Variants in FHIT observed in about 807,000 individuals in gnomAD.
FHIT encodes the protein bis(5'-adenosyl)-triphosphatase.
FHIT carries 19 observed loss-of-function variants against 17.9 expected under a neutral mutation model. That is an observed-to-expected ratio of 1.06 (90% CI 0.74 to 1.56). The LOEUF is 1.56. FHIT is among the 40% of genes most tolerant of loss of function. The pLI, the probability that FHIT is intolerant of heterozygous loss-of-function variation, is 0.00. For missense variants in FHIT, 248 were observed against 189.2 expected (o/e 1.31, Z -1.82); for synonymous variants, 81 against 69.7 (o/e 1.16, Z -0.81).
At chr3:59,798,951 GCTAACCTCCAGCCACGTTGGTGAA>G (rs1435244869) in intron 8 of FHIT, among the ~76,000 whole-genome samples, 5 of 152,188 alleles carry the variant, frequency 3.3e-5, no homozygotes, top group African/African-American at 1.2e-4. Context: ...GGTAGCCTCT[GCTAACCTCCAGCCACGTTGGTGAA>G]CTCTCAGAAA....
At chr3:60,819,994 T>C (rs75513892) in intron 4 of FHIT, among the ~76,000 whole-genome samples, 1,676 of 152,282 alleles carry the variant, frequency 0.011, 20 homozygotes, top group African/African-American at 0.038. Context: ...ATATTTTATA[T>C]TGACAGCTTT....
At chr3:60,039,896 TTA>T (rs1203024667) in intron 5 of FHIT, among the ~76,000 whole-genome samples, 2 of 152,202 alleles carry the variant, frequency 1.3e-5, no homozygotes, top group African/African-American at 4.8e-5. Flanking sequence ...ATGGAAGAAA[TTA>T]TGAGTTCACA....
intron 5 of FHIT, among the ~76,000 whole-genome samples, chr3:60,169,105 C>T (rs368743940): frequency 6.6e-6 from 1 of 152,188 alleles, no homozygotes; most frequent in Non-Finnish European, 1.5e-5. Flanking sequence ...TTTGGGTCAG[C>T]ACATGCTATC....
At chr3:59,757,681 G>A (rs144089429) in intron 8 of FHIT, among the ~76,000 whole-genome samples, 297 of 152,170 alleles carry the variant, frequency 2.0e-3, no homozygotes, top group African/African-American at 5.5e-3. Flanking sequence ...AGAAGCAAAC[G>A]GCTGAATATA....
chr3:59,924,848 T>C (rs1705574628), intron 7 of FHIT, among the ~76,000 whole-genome samples: 1 of 152,216 alleles, frequency 6.6e-6, no homozygotes, highest in South Asian at 2.1e-4. Context: ...TCTGCATTTC[T>C]AACAAGCTCC....
At chr3:60,909,079 G>C (rs1322988040) in intron 3 of FHIT, among the ~76,000 whole-genome samples, 1 of 152,104 alleles carries the variant, frequency 6.6e-6, no homozygotes, top group African/African-American at 2.4e-5. Flanking sequence ...CTATAAAAGA[G>C]GGTAATCTTG....
intron 5 of FHIT, among the ~76,000 whole-genome samples, chr3:60,390,313 C>G (rs1701168826): frequency 1.4e-5 from 2 of 146,952 alleles, no homozygotes. Flanking sequence ...CTAGAGAACT[C>G]TAACAATAGT....
chr3:60,774,983 T>C (rs1414718948), intron 4 of FHIT, among the ~76,000 whole-genome samples: 1 of 152,216 alleles, frequency 6.6e-6, no homozygotes, highest in Non-Finnish European at 1.5e-5. Flanking sequence ...AAACAGCAGA[T>C]AATGGGGAAC....
intron 4 of FHIT, among the ~76,000 whole-genome samples, chr3:60,731,448 T>C (rs2042027536): frequency 6.6e-6 from 1 of 152,142 alleles, no homozygotes; most frequent in South Asian, 2.1e-4. Flanking sequence ...GGTTTGACCT[T>C]TTGACTTGGG....
intron 5 of FHIT, among the ~76,000 whole-genome samples, chr3:60,169,489 T>C (rs951657693): frequency 6.6e-6 from 1 of 152,230 alleles, no homozygotes; most frequent in Non-Finnish European, 1.5e-5. Flanking sequence ...CTTTTGGTGA[T>C]AATTGTTGTT....
At position 59,844,864 on chromosome 3, in the gene FHIT, G is replaced by C. The variant is rs577488749; in HGVS notation, c.348+77482C>G. 3.9e-5 allele frequency among the ~76,000 whole-genome samples: 6 copies of C among 152,148 alleles called. No homozygotes were observed. The East Asian group carries it at 1.2e-3, about 29-fold the overall frequency. On this transcript the variant is annotated intron_variant, in intron 8 of 9. Coordinates refer to ENST00000492590, the MANE Select transcript of FHIT (RefSeq NM_002012.4). ...TTTATTTAATTTTTTTGAAAAGTTTGAAAAAGATCGGTTTAGTTGTTTAAA... is the reference window on the plus strand; with the variant it reads ...TTTATTTAATTTTTTTGAAAAGTTTCAAAAAGATCGGTTTAGTTGTTTAAA...
At chr3:60,360,437 G>C (rs1158265979) in intron 5 of FHIT, among the ~76,000 whole-genome samples, 1 of 152,118 alleles carries the variant, frequency 6.6e-6, no homozygotes, top group Admixed American at 6.6e-5. Context: ...ATAGTGAAGT[G>C]ATCCATTCAG....
chr3:59,834,449 T>C (rs1257164622), intron 8 of FHIT, among the ~76,000 whole-genome samples: 1 of 152,180 alleles, frequency 6.6e-6, no homozygotes, highest in Non-Finnish European at 1.5e-5. Context: ...ACAGACACTT[T>C]GGGCGACTAT....
At chr3:60,311,096 C>T (rs1225227555) in intron 5 of FHIT, among the ~76,000 whole-genome samples, 2 of 152,112 alleles carry the variant, frequency 1.3e-5, no homozygotes, top group African/African-American at 4.8e-5. Flanking sequence ...AACGTCATCC[C>T]TTTTGGCATC....
At chr3:61,213,505 GC>G (rs1252109682) in intron 1 of FHIT, among the ~76,000 whole-genome samples, 1 of 152,166 alleles carries the variant, frequency 6.6e-6, no homozygotes, top group Non-Finnish European at 1.5e-5. Context: ...GATTCATAAA[GC>G]AAGTCCTGAG....
intron 4 of FHIT, among the ~76,000 whole-genome samples, chr3:60,631,913 G>C (rs139432050): frequency 6.6e-6 from 1 of 152,096 alleles, no homozygotes; most frequent in Non-Finnish European, 1.5e-5. Flanking sequence ...GCTGTTGTTT[G>C]TACCACACAG....
chr3:60,117,439 G>T (rs1327708451), intron 5 of FHIT, among the ~76,000 whole-genome samples: 1 of 130,456 alleles, frequency 7.7e-6, no homozygotes, highest in Non-Finnish European at 1.5e-5. Flanking sequence ...TAGCATTCCT[G>T]TACTATAATG....
chr3:60,148,172 GA>G, intron 5 of FHIT, among the ~76,000 whole-genome samples: 1 of 151,966 alleles, frequency 6.6e-6, no homozygotes, highest in East Asian at 1.9e-4. Flanking sequence ...TTCCAGAGGC[GA>G]AAAGGAAAAA....
intron 8 of FHIT, among the ~76,000 whole-genome samples, chr3:59,785,821 C>A (rs1045938349): frequency 6.6e-6 from 1 of 152,130 alleles, no homozygotes; most frequent in Non-Finnish European, 1.5e-5. Context: ...GTGGAGTGGG[C>A]AGGAGTAGGA....
Sources: gnomAD v4.1 joint callset for allele counts (sites outside exome capture counted in the v4.1 genomes callset) on GRCh38, gnomAD v4.1.1 for gene constraint, MANE v1.5 for transcripts, NCBI Gene and HGNC (gene_info 2026-07-23, HGNC 2026-07-21) for gene names.